The following IARS1 variants were observed in gnomAD, a reference collection of about 807,000 sequenced individuals.
The protein encoded by IARS1 is isoleucyl-tRNA synthetase 1.
In IARS1, 124 loss-of-function variants were observed where a neutral mutation model predicts 168.2. The ratio of observed to expected loss-of-function variants is 0.74; its 90% confidence interval spans 0.64 to 0.86. The LOEUF (loss-of-function observed/expected upper bound fraction) is 0.86, where lower values mean the gene tolerates loss of function less well. IARS1 is among the 40% of genes least tolerant of loss of function. The pLI is 0.00. For missense variants in IARS1, 1,452 were observed against 1,515.8 expected, an observed-to-expected ratio of 0.96 and a Z score of 0.70; for synonymous variants, 532 against 529.4, an observed-to-expected ratio of 1.00 and a Z score of -0.07.
intron 4 of IARS1, among the ~76,000 whole-genome samples, chr9:92,286,970 G>T (rs1173308961): frequency 6.6e-6 from 1 of 152,142 alleles, no homozygotes; most frequent in Non-Finnish European, 1.5e-5. Context: ...TATTTGGAAA[G>T]AATCTCCCCA....
chr9:92,220,675 T>C (rs961953563), intron 33 of IARS1, among the ~76,000 whole-genome samples: 4 of 151,896 alleles, frequency 2.6e-5, no homozygotes, highest in Admixed American at 2.6e-4. Flanking sequence ...ATGAAAATGG[T>C]AGAAATTAGG....
chr9:92,250,960 G>T, intron 22 of IARS1, 126 bp from the exon 23 acceptor site: 3 of 1,004,690 alleles, frequency 3.0e-6, no homozygotes, highest in Non-Finnish European at 4.4e-6. Context: ...TGAGCATGAG[G>T]TTACAAAACA....
chr9:92,268,469 CAGTTT>C (rs1832597550), intron 13 of IARS1, among the ~76,000 whole-genome samples, 169 bp from the exon 14 acceptor site: 1 of 152,254 alleles, frequency 6.6e-6, no homozygotes, highest in African/African-American at 2.4e-5. Flanking sequence ...GCACACACAA[CAGTTT>C]GTGCTGCCAT....
At chr9:92,262,081 A>T (rs1029457906) in intron 17 of IARS1, among the ~76,000 whole-genome samples, 2 of 151,830 alleles carry the variant, frequency 1.3e-5, no homozygotes, top group African/African-American at 4.8e-5. Flanking sequence ...AAAAAAAAAA[A>T]AAGTAGTACA....
At chr9:92,248,684 A>G (rs900586131) in intron 25 of IARS1, among the ~76,000 whole-genome samples, 1 of 147,356 alleles carries the variant, frequency 6.8e-6, no homozygotes, top group African/African-American at 2.5e-5. Flanking sequence ...AAAAATTTCT[A>G]TTTTATGCAT....
At position 92,285,740 on chromosome 9, in the gene IARS1, C is replaced by T; in HGVS notation, c.579G>A (p.Glu193=). 1 of 1,605,352 alleles carries T rather than the reference C, an allele frequency of 6.2e-7. No individual in the cohort carries two copies. The highest frequency in any genetic ancestry group is 8.5e-7 in the Non-Finnish European group (1 of 1,172,036). The stretch of plus-strand genomic sequence containing the variant: ...CACGTACCTTATAATTCTGGTGTGA[C>T]TCGAAGTTGGAAAGTGGAGTGTTAC... The part of the protein sequence containing the change: ...TACNTPLSNF[E]SHQNYKDVQD... Residue 193 remains glutamate, a synonymous_variant, in exon 6 of 34, where the codon GAG becomes GAA. Coordinates refer to ENST00000443024, the MANE Select transcript of IARS1 (RefSeq NM_002161.6).
chr9:92,244,908 C>G lies in IARS1; in HGVS notation c.2904+51G>C, dbSNP rs764046392. On this transcript the variant is annotated intron_variant, in intron 27 of 33. Coordinates refer to ENST00000443024, the MANE Select transcript of IARS1 (RefSeq NM_002161.6). ...AAGGCACAGGCAAATACTTTCTCCT[C>G]TTATGCTCTCATCTCTTGGTAAAGA... 9.1e-6 allele frequency: 13 copies of G among 1,435,796 alleles called. No individual in the cohort carries two copies. The African/African-American group carries it at 1.5e-4, about 17-fold the overall frequency. The allele number at this position is 1,435,796 out of a possible 1,614,324, so 88.9% of individuals were successfully genotyped here.
chr9:92,287,787 A>G lies in IARS1; in HGVS notation c.396+4T>C, dbSNP rs1835684669. 1 of 1,608,822 alleles carries G rather than the reference A, an allele frequency of 6.2e-7. No individual in the cohort carries two copies. The highest frequency in any genetic ancestry group is 1.3e-5 in the African/African-American group (1 of 74,740). ...TTCATTCTACTGAAAAAAACCCAAC[A>G]TACCTTCCACTCAGCAGAATATCTC... On this transcript the variant is annotated splice_donor_region_variant and intron_variant, in intron 4 of 33. Transcript: ENST00000443024.
At chr9:92,213,349 T>C (rs1458331653) in intron 33 of IARS1, among the ~76,000 whole-genome samples, 1 of 152,132 alleles carries the variant, frequency 6.6e-6, no homozygotes, top group African/African-American at 2.4e-5. Flanking sequence ...TTAATTTGAG[T>C]AAGTTCCTTC....
At position 92,287,832 on chromosome 9, in the gene IARS1, G is replaced by A; in HGVS notation, c.355C>T (p.Gln119Ter). 1 of 1,613,818 alleles carries A rather than the reference G, an allele frequency of 6.2e-7. No homozygotes were observed. Among genetic ancestry groups the A allele is most frequent in the Non-Finnish European group, 8.5e-7 (1 of 1,179,886 alleles). Reference sequence around the variant, plus strand: ...TATCTCATCACAATTGCTCGGCACTGATTGTTATACTCTGTAATCCCCATT... The same window carrying A: ...TATCTCATCACAATTGCTCGGCACTAATTGTTATACTCTGTAATCCCCATT... ...AKMGITEYNNQCRAIVMRYSA... is the reference protein window; with the variant it reads ...AKMGITEYNN The change falls in exon 4 of 34, where the codon CAG (glutamine) becomes TAG (stop). Residue 119 changes from glutamine (Q) to a stop codon, truncating the protein, a stop_gained. Transcript: ENST00000443024. LOFTEE classifies it high-confidence loss of function.
At chr9:92,239,544 G>A (rs879648101) in intron 30 of IARS1, among the ~76,000 whole-genome samples, 4,648 of 152,224 alleles carry the variant, frequency 0.031, 109 homozygotes, top group South Asian at 0.079. Context: ...TCCTGTTTGG[G>A]TTTCACGCAT....
At chr9:92,284,991 T>C (rs539007330) in intron 6 of IARS1, among the ~76,000 whole-genome samples, 32 of 152,298 alleles carry the variant, frequency 2.1e-4, no homozygotes, top group African/African-American at 7.5e-4. Flanking sequence ...ACAGGATATG[T>C]GAAAGCATTC....
chr9:92,264,333 T>C (rs1342045966), intron 16 of IARS1, among the ~76,000 whole-genome samples: 1 of 142,656 alleles, frequency 7.0e-6, no homozygotes, highest in Non-Finnish European at 1.5e-5. Context: ...CAAGATTCTG[T>C]CTCAAAAAAA....
chr9:92,232,517 T>C (rs1022288270), intron 30 of IARS1, among the ~76,000 whole-genome samples: 1 of 152,196 alleles, frequency 6.6e-6, no homozygotes, highest in African/African-American at 2.4e-5. Context: ...TTTTGCCTTA[T>C]AGTAGAATGA....
At chr9:92,246,071 C>T (rs767155798) in intron 26 of IARS1, among the ~76,000 whole-genome samples, 2 of 152,134 alleles carry the variant, frequency 1.3e-5, no homozygotes, top group Admixed American at 1.3e-4. Context: ...TCACCACCCC[C>T]AGCCATCTCA....
chr9:92,229,387 A>ACACG (rs1210947002), intron 30 of IARS1, among the ~76,000 whole-genome samples: 1 of 150,098 alleles, frequency 6.7e-6, no homozygotes, highest in Non-Finnish European at 1.5e-5. Context: ...ACACACACAC[A>ACACG]CATCTCCATC....
chr9:92,274,376 A>T (rs1317088244), intron 10 of IARS1, 50 bp downstream of exon 10: 1 of 1,411,218 alleles, frequency 7.1e-7, no homozygotes, highest in African/African-American at 1.4e-5. Flanking sequence ...CATCTATGAA[A>T]AGTGGCTACC....
chr9:92,246,915 C>T (rs529902136), intron 26 of IARS1, among the ~76,000 whole-genome samples: 5 of 152,260 alleles, frequency 3.3e-5, no homozygotes, highest in East Asian at 3.9e-4. Flanking sequence ...AAGGATGGAC[C>T]GGTGCAGTGG....
At chr9:92,250,611 C>T (rs1829875523) in intron 23 of IARS1, 102 bp downstream of exon 23, 3 of 1,312,914 alleles carry the variant, frequency 2.3e-6, no homozygotes, top group East Asian at 2.5e-5. Flanking sequence ...GGAGGCAAGG[C>T]ACAGATGGAG....
Sources: allele counts gnomAD v4.1 joint callset (sites outside exome capture counted in the v4.1 genomes callset), GRCh38; gene constraint gnomAD v4.1.1; transcripts MANE v1.5; gene names NCBI Gene and HGNC (gene_info 2026-07-23, HGNC 2026-07-21).